Variants in EPCIP observed in about 807,000 individuals in gnomAD.
EPCIP encodes the protein exosomal polycystin 1 interacting protein, also known as exosomal polycystin-1-interacting protein.
chr21:32,792,156 G>A, the EPCIP span, among the ~76,000 whole-genome samples: 1 of 152,020 alleles, frequency 6.6e-6, no homozygotes, highest in Non-Finnish European at 1.5e-5. Context: ...CGCCTGCCTC[G>A]GCCTCCCAAG....
At chr21:32,797,007 C>CT in the EPCIP span, 353,493 of 470,644 alleles carry the variant, frequency 0.75, 134,211 homozygotes, top group East Asian at 0.91. Flanking sequence ...TATTGGTTTG[C>CT]GGAACATGTG....
the EPCIP span, among the ~76,000 whole-genome samples, chr21:32,793,208 C>T: frequency 5.3e-5 from 8 of 152,244 alleles, no homozygotes; most frequent in East Asian, 1.4e-3. Flanking sequence ...CCGCCCGCCT[C>T]GGCCTCCCAA....
At chr21:32,792,015 C>T in the EPCIP span, among the ~76,000 whole-genome samples, 3 of 152,132 alleles carry the variant, frequency 2.0e-5, no homozygotes, top group Admixed American at 2.0e-4. Flanking sequence ...AGTGACTCTC[C>T]TGCCTCAGCC....
the EPCIP span, among the ~76,000 whole-genome samples, chr21:32,792,043 T>C: frequency 6.6e-6 from 1 of 152,064 alleles, no homozygotes; most frequent in Non-Finnish European, 1.5e-5. Flanking sequence ...TAGCTGGGAT[T>C]ACAGGCATGC....
the EPCIP span, chr21:32,794,547 G>C: frequency 4.4e-6 from 4 of 900,270 alleles, no homozygotes; most frequent in Non-Finnish European, 6.7e-6. Flanking sequence ...TTATGGAAAA[G>C]GAACCCCAGA....
chr21:32,801,117 G>GAACT, the EPCIP span, among the ~76,000 whole-genome samples: 1 of 152,154 alleles, frequency 6.6e-6, no homozygotes, highest in Non-Finnish European at 1.5e-5. Flanking sequence ...GAAGATGGCA[G>GAACT]AACTGTAGAC....
the EPCIP span, among the ~76,000 whole-genome samples, chr21:32,799,471 A>C: frequency 1.3e-5 from 2 of 152,110 alleles, no homozygotes; most frequent in Non-Finnish European, 2.9e-5. Flanking sequence ...CTGGCTTCAC[A>C]GTGTGTTCCT....
At chr21:32,811,646 G>C in the EPCIP span, among the ~76,000 whole-genome samples, 1 of 152,188 alleles carries the variant, frequency 6.6e-6, no homozygotes, top group African/African-American at 2.4e-5. Context: ...ACTAGATGCT[G>C]TAGCCTTTAA....
chr21:32,805,248 G>A, the EPCIP span, among the ~76,000 whole-genome samples: 2 of 152,164 alleles, frequency 1.3e-5, no homozygotes, highest in South Asian at 2.1e-4. Flanking sequence ...GAAGGAACCA[G>A]GCCTACTGAC....
chr21:32,793,580 G>T, the EPCIP span: 3 of 685,352 alleles, frequency 4.4e-6, no homozygotes, highest in Non-Finnish European at 7.9e-6. Flanking sequence ...TGTTCTCGCA[G>T]TTGGGCACAG....
At chr21:32,807,196 G>C in the EPCIP span, among the ~76,000 whole-genome samples, 15 of 152,102 alleles carry the variant, frequency 9.9e-5, no homozygotes, top group Non-Finnish European at 1.6e-4. Flanking sequence ...ATGCCTTCTT[G>C]CTGATTGCGG....
chr21:32,810,260 T>G, the EPCIP span, among the ~76,000 whole-genome samples: 2 of 132,892 alleles, frequency 1.5e-5, no homozygotes, highest in African/African-American at 5.7e-5. Flanking sequence ...TTTTTTTTTT[T>G]TTTTTTTTTT....
At chr21:32,813,630 C>T in the EPCIP span, 1 of 471,242 alleles carries the variant, frequency 2.1e-6, no homozygotes, top group South Asian at 1.5e-5. Context: ...CTCTCCACTC[C>T]ACAGACCTCT....
At chr21:32,801,959 C>T in the EPCIP span, among the ~76,000 whole-genome samples, 16 of 152,238 alleles carry the variant, frequency 1.1e-4, 1 homozygote, top group African/African-American at 2.9e-4. Flanking sequence ...AAGGGCGAGG[C>T]AGTGCAGATA....
At chr21:32,792,707 G>A in the EPCIP span, among the ~76,000 whole-genome samples, 1 of 152,272 alleles carries the variant, frequency 6.6e-6, no homozygotes, top group Admixed American at 6.5e-5. Context: ...ATGCAAATGT[G>A]TTTTGTGTCC....
chr21:32,797,092 C>G, the EPCIP span: 1,044 of 448,628 alleles, frequency 2.3e-3, 18 homozygotes, highest in African/African-American at 0.02. Flanking sequence ...AGGATGGTCC[C>G]TGCCTCCTGG....
the EPCIP span, among the ~76,000 whole-genome samples, chr21:32,809,464 C>A: frequency 6.6e-6 from 1 of 151,344 alleles, no homozygotes; most frequent in East Asian, 1.9e-4. Context: ...CCTTGAACTT[C>A]TGGGCTCAGG....
the EPCIP span, among the ~76,000 whole-genome samples, chr21:32,800,614 G>A: frequency 3.9e-5 from 6 of 151,992 alleles, no homozygotes; most frequent in African/African-American, 1.2e-4. Flanking sequence ...TCAGGAGTTC[G>A]AGACCAGCCT....
chr21:32,813,402 A>G, the EPCIP span, among the ~76,000 whole-genome samples: 2 of 152,216 alleles, frequency 1.3e-5, no homozygotes, highest in African/African-American at 4.8e-5. Context: ...AGCCTAAAAA[A>G]GTGTTTCATA....
Sources: gnomAD v4.1 joint callset for allele counts (sites outside exome capture counted in the v4.1 genomes callset) on GRCh38, gnomAD v4.1.1 for gene constraint, MANE v1.5 for transcripts, NCBI Gene and HGNC (gene_info 2026-07-23, HGNC 2026-07-21) for gene names.